The following PIK3C2G variants were observed in gnomAD, a reference collection of about 807,000 sequenced individuals.
The protein encoded by PIK3C2G is phosphatidylinositol 3-kinase C2 domain-containing subunit gamma.
PIK3C2G carries 168 observed loss-of-function variants against 181.1 expected under a neutral mutation model. That is an observed-to-expected ratio of 0.93 (90% CI 0.82 to 1.05). The LOEUF (loss-of-function observed/expected upper bound fraction) is 1.05, where lower values mean the gene tolerates loss of function less well. Among genes scored for constraint, PIK3C2G ranks in the 50% least tolerant of loss-of-function variants. PIK3C2G has a pLI of 0.00. For missense variants in PIK3C2G, 1,869 were observed against 1,732.8 expected (o/e 1.08, Z -1.40); for synonymous variants, 573 against 592.2 (o/e 0.97, Z 0.47).
At chr12:18,257,638 AAAAG>A (rs1346172223), upstream of PIK3C2G, among the ~76,000 whole-genome samples, 1 of 151,876 alleles carries the variant, frequency 6.6e-6, no homozygotes. Context: ...GGGAAAGAAA[AAAAG>A]AAAAGAAAAG....
chr12:18,479,143 A>G (rs1939309419), intron 18 of PIK3C2G, among the ~76,000 whole-genome samples: 1 of 151,942 alleles, frequency 6.6e-6, no homozygotes, highest in African/African-American at 2.4e-5. Flanking sequence ...ACATACATAC[A>G]TATACACACA....
At chr12:18,499,368 G>A (rs542229708) in intron 22 of PIK3C2G, among the ~76,000 whole-genome samples, 3 of 152,278 alleles carry the variant, frequency 2.0e-5, no homozygotes, top group Non-Finnish European at 4.4e-5. Context: ...CTTTTCTCAA[G>A]AAATGTCACA....
At chr12:18,307,141 T>C (rs906070170) in intron 5 of PIK3C2G, among the ~76,000 whole-genome samples, 3 of 149,862 alleles carry the variant, frequency 2.0e-5, no homozygotes, top group African/African-American at 7.4e-5. Context: ...GTCATTAATC[T>C]CTCTTTATAT....
intron 29 of PIK3C2G, among the ~76,000 whole-genome samples, chr12:18,591,936 A>G (rs971340362): frequency 6.6e-6 from 1 of 151,872 alleles, no homozygotes; most frequent in African/African-American, 2.4e-5. Flanking sequence ...AGCAGGTACA[A>G]TCGACAGGAT....
chr12:18,264,759 G>A (rs1364206849), intron 1 of PIK3C2G, among the ~76,000 whole-genome samples: 1 of 151,962 alleles, frequency 6.6e-6, no homozygotes, highest in Non-Finnish European at 1.5e-5. Context: ...CTATTTTTCT[G>A]AATACTTTCT....
At chr12:18,684,158 A>G in the PIK3C2G span, 1 of 1,612,050 alleles carries the variant, frequency 6.2e-7, no homozygotes. Flanking sequence ...GTGGCAAAGT[A>G]TATTGCCCAA....
intron 1 of PIK3C2G, among the ~76,000 whole-genome samples, chr12:18,275,860 A>C (rs1948963931): frequency 6.6e-6 from 1 of 152,118 alleles, no homozygotes; most frequent in Non-Finnish European, 1.5e-5. Context: ...TTGAAATCTT[A>C]CCCACTCACT....
chr12:18,449,699 T>C (rs914461916), intron 18 of PIK3C2G, among the ~76,000 whole-genome samples: 5 of 152,214 alleles, frequency 3.3e-5, no homozygotes, highest in African/African-American at 1.2e-4. Context: ...ATCCAGTCTA[T>C]CATTGATGGG....
At chr12:18,637,231 C>G (rs1949643414) in intron 31 of PIK3C2G, among the ~76,000 whole-genome samples, 1 of 152,040 alleles carries the variant, frequency 6.6e-6, no homozygotes, top group African/African-American at 2.4e-5. Flanking sequence ...TAAAGATTAA[C>G]AGTATAAATT....
At chr12:18,331,964 C>A (rs184498236) in intron 8 of PIK3C2G, among the ~76,000 whole-genome samples, 16 of 152,062 alleles carry the variant, frequency 1.1e-4, no homozygotes, top group African/African-American at 3.4e-4. Flanking sequence ...TTTTAAAAAT[C>A]TTTTTATTAC....
intron 5 of PIK3C2G, 84 bp downstream of exon 5, chr12:18,294,099 T>G: frequency 1.5e-6 from 1 of 665,528 alleles, no homozygotes; most frequent in Non-Finnish European, 2.7e-6. Context: ...TTAAACAGAC[T>G]TTACACAAAC....
intron 9 of PIK3C2G, 115 bp downstream of exon 9, chr12:18,338,663 CTGTG>C (rs199613361): frequency 0.19 from 77,307 of 410,090 alleles, 3,681 homozygotes; most frequent in Middle Eastern, 0.21. Flanking sequence ...TTGTGTGTAT[CTGTG>C]TGTGTGTGTG....
At chr12:18,260,667 TAAAAAGAAGA>T (rs1242698872), upstream of PIK3C2G, among the ~76,000 whole-genome samples, 3 of 151,558 alleles carry the variant, frequency 2.0e-5, no homozygotes, top group Non-Finnish European at 4.4e-5. Context: ...ACTATAAATC[TAAAAAGAAGA>T]AAAAAGAAGA....
chr12:18,247,879 T>A (rs1291250671), exon 1 of PIK3C2G: 1 of 152,188 alleles, frequency 6.6e-6, no homozygotes, highest in African/African-American at 2.4e-5. Context: ...CTGCTTTTCA[T>A]TAAAAAGGAA....
intron 14 of PIK3C2G, among the ~76,000 whole-genome samples, chr12:18,383,945 A>G (rs141591480): frequency 6.6e-6 from 1 of 151,384 alleles, no homozygotes; most frequent in East Asian, 1.9e-4. Context: ...CTGGAACCAC[A>G]AGTGCATGCC....
At chr12:18,270,761 T>C (rs993328265) in intron 1 of PIK3C2G, among the ~76,000 whole-genome samples, 1 of 152,186 alleles carries the variant, frequency 6.6e-6, no homozygotes, top group African/African-American at 2.4e-5. Context: ...AACTTTGACA[T>C]GCCTGAAGTT....
the PIK3C2G span, among the ~76,000 whole-genome samples, chr12:18,671,939 T>C: frequency 3.9e-5 from 6 of 151,962 alleles, no homozygotes; most frequent in Non-Finnish European, 8.8e-5. Flanking sequence ...CTTGGTAGAG[T>C]GGGCATATAA....
chr12:18,584,098 G>A (rs1478591027), intron 29 of PIK3C2G, among the ~76,000 whole-genome samples: 3 of 150,874 alleles, frequency 2.0e-5, no homozygotes, highest in South Asian at 2.1e-4. Context: ...GCGTGATCTC[G>A]GCTCACCACA....
intron 15 of PIK3C2G, among the ~76,000 whole-genome samples, chr12:18,395,636 T>A (rs904884962): frequency 6.6e-6 from 1 of 150,754 alleles, no homozygotes; most frequent in South Asian, 2.1e-4. Context: ...CATTTATTAA[T>A]TTATTTAAAA....
Sources: gnomAD v4.1 joint callset for allele counts (sites outside exome capture counted in the v4.1 genomes callset) on GRCh38, gnomAD v4.1.1 for gene constraint, MANE v1.5 for transcripts, NCBI Gene and HGNC (gene_info 2026-07-23, HGNC 2026-07-21) for gene names.